FDX1: variants seen among roughly 807,000 people sequenced by gnomAD.
FDX1 encodes the protein adrenodoxin, mitochondrial.
A neutral mutation model predicts 14.9 loss-of-function variants in FDX1; 9 were observed. That is an observed-to-expected ratio of 0.60 (90% CI 0.36 to 1.05). The LOEUF is 1.05. Among genes scored for constraint, FDX1 ranks in the 50% least tolerant of loss-of-function variants. The pLI, the probability that FDX1 is intolerant of heterozygous loss-of-function variation, is 0.01. For synonymous variants in FDX1, 92 were observed against 99.4 expected (o/e 0.93, Z 0.44); for missense variants, 204 against 237.2 (o/e 0.86, Z 0.92).
intron 3 of FDX1, among the ~76,000 whole-genome samples, chr11:110,460,965 G>A (rs535115816): frequency 6.6e-6 from 1 of 152,216 alleles, no homozygotes; most frequent in South Asian, 2.1e-4. Flanking sequence ...TGTGCCTTTA[G>A]GTGCTCAATA....
intron 1 of FDX1, 152 bp from the exon 2 acceptor site, chr11:110,435,682 T>TA: frequency 1.9e-6 from 1 of 537,868 alleles, no homozygotes; most frequent in Non-Finnish European, 3.1e-6. Context: ...ACCCCGTCAC[T>TA]ACAAAAAATA....
chr11:110,463,559 G>A lies in FDX1; in HGVS notation c.*1091G>A, dbSNP rs1046633014. Reference sequence around the variant, plus strand: ...TCAACTAACTTGGACTAATTGTGAGGAAGAGCAGAACAAATTAGTAGAAAG... The same window carrying A: ...TCAACTAACTTGGACTAATTGTGAGAAAGAGCAGAACAAATTAGTAGAAAG... On this transcript the variant is annotated 3_prime_UTR_variant, in exon 4 of 4. Coordinates refer to ENST00000260270, the MANE Select transcript of FDX1 (RefSeq NM_004109.5). 6.6e-6 allele frequency: 1 copy of A among 152,226 alleles called. No individual in the cohort carries two copies. The highest frequency in any genetic ancestry group is 1.5e-5 in the Non-Finnish European group (1 of 68,036). The allele number at this position is 152,226 out of a possible 1,614,324, so 9.4% of individuals were successfully genotyped here. A position where few individuals can be genotyped will look rare whatever the true frequency, so the allele number is the denominator to read the frequency against.
At chr11:110,447,702 C>A (rs1946460765) in intron 2 of FDX1, among the ~76,000 whole-genome samples, 2 of 152,134 alleles carry the variant, frequency 1.3e-5, no homozygotes, top group African/African-American at 4.8e-5. Context: ...CTCTCTCTCC[C>A]ATCCCCAAAA....
At chr11:110,453,910 T>G (rs185101718) in intron 2 of FDX1, among the ~76,000 whole-genome samples, 1 of 152,292 alleles carries the variant, frequency 6.6e-6, no homozygotes, top group East Asian at 1.9e-4. Flanking sequence ...GCTGGTTTCA[T>G]TCTGAGTCTT....
At position 110,444,734 on chromosome 11, in the gene FDX1, ATATATATATACACG is replaced by A. The variant is rs1229316944; in HGVS notation, c.310+8787_310+8800del. ...TATATATATATATACGTATATATAT[ATATATATATACACG>A]TATATATATATATATATATTTGCAG... is the stretch of plus-strand genomic sequence containing the variant. On this transcript the variant is annotated intron_variant, in intron 2 of 3. Coordinates refer to ENST00000260270, the MANE Select transcript of FDX1 (RefSeq NM_004109.5). Among the ~76,000 whole-genome samples the A allele has an allele frequency of 3.6e-3, 246 of 67,912 alleles. 9 individuals are homozygous for A. Among genetic ancestry groups the A allele is most frequent in the Admixed American group, 8.8e-3 (48 of 5,436 alleles). 44.6% of individuals were successfully genotyped at this position (67,912 alleles called of 152,430 possible). A position where few individuals can be genotyped will look rare whatever the true frequency, so the allele number is the denominator to read the frequency against.
chr11:110,443,598 G>A (rs531618875), intron 2 of FDX1, among the ~76,000 whole-genome samples: 2 of 151,776 alleles, frequency 1.3e-5, no homozygotes, highest in East Asian at 1.9e-4. Flanking sequence ...CTACCACCAC[G>A]CCCACCTAAT....
chr11:110,462,316 C>T (rs756525004), intron 3 of FDX1, 38 bp from the exon 4 acceptor site: 22 of 1,146,078 alleles, frequency 1.9e-5, no homozygotes, highest in East Asian at 7.3e-5. Context: ...AATATATATA[C>T]GTAATACTAA....
intron 2 of FDX1, among the ~76,000 whole-genome samples, chr11:110,454,569 T>C (rs1336085582): frequency 6.6e-6 from 1 of 152,218 alleles, no homozygotes; most frequent in African/African-American, 2.4e-5. Flanking sequence ...TCCATTTCTT[T>C]AACTTCTGGG....
intron 2 of FDX1, among the ~76,000 whole-genome samples, chr11:110,437,524 T>C (rs1033732275): frequency 2.0e-5 from 3 of 152,192 alleles, no homozygotes; most frequent in African/African-American, 7.2e-5. Flanking sequence ...ATGGTATATC[T>C]CATTGTGGTT....
At position 110,435,880 on chromosome 11, in the gene FDX1, A is replaced by G. The variant is rs1459493187; in HGVS notation, c.232A>G (p.Thr78Ala). Reference protein sequence around the residue: ...TVHFINRDGETLTTKGKVGDS... With the variant: ...TVHFINRDGEALTTKGKVGDS... Reference sequence around the variant, plus strand: ...CCACTTTATAAACCGTGATGGTGAAACATTAACAACCAAAGGAAAAGTTGG... The same window carrying G: ...CCACTTTATAAACCGTGATGGTGAAGCATTAACAACCAAAGGAAAAGTTGG... The change falls in exon 2 of 4, where the codon ACA becomes GCA. Residue 78 changes from threonine (T) to alanine (A), a missense_variant. Physicochemically the swap from Thr to Ala is moderately conservative, Grantham distance 58 (BLOSUM62 0). Transcript: ENST00000260270. 1 of 1,611,768 alleles carries G rather than the reference A, an allele frequency of 6.2e-7. No individual in the cohort carries two copies. The highest frequency in any genetic ancestry group is 1.1e-5 in the South Asian group (1 of 90,632).
Position 110,462,510 on chromosome 11 carries a change from T to G in FDX1, c.*42T>G, listed in dbSNP as rs746482045. The stretch of plus-strand genomic sequence containing the variant: ...ATATTTTCATGGAATTTTACCTATT[T>G]TTATAATTATTATTTCTTAAAGTGA... On this transcript the variant is annotated 3_prime_UTR_variant, in exon 4 of 4. Coordinates refer to ENST00000260270, the MANE Select transcript of FDX1 (RefSeq NM_004109.5). The G allele has an allele frequency of 8.6e-6, 9 of 1,049,342 alleles. No individual in the cohort carries two copies. The highest frequency in any genetic ancestry group is 1.6e-5 in the African/African-American group (1 of 62,746). 65.0% of individuals were successfully genotyped at this position (1,049,342 alleles called of 1,614,324 possible). A position where few individuals can be genotyped will look rare whatever the true frequency, so the allele number is the denominator to read the frequency against.
intron 2 of FDX1, among the ~76,000 whole-genome samples, chr11:110,451,730 A>C (rs1440837079): frequency 6.6e-6 from 1 of 152,268 alleles, no homozygotes; most frequent in Non-Finnish European, 1.5e-5. Flanking sequence ...ATGTACATAT[A>C]CACCATGGAA....
intron 3 of FDX1, 145 bp from the exon 4 acceptor site, chr11:110,462,209 G>C (rs1946560708): frequency 2.1e-6 from 1 of 474,226 alleles, no homozygotes. Context: ...GGTTATATCT[G>C]TTTTGACATA....
intron 2 of FDX1, among the ~76,000 whole-genome samples, chr11:110,456,509 CT>C (rs11463993): frequency 1.7e-3 from 141 of 83,810 alleles, no homozygotes; most frequent in African/African-American, 4.6e-3. Flanking sequence ...TTTATGTATT[CT>C]TTTTTTTTTT....
intron 2 of FDX1, among the ~76,000 whole-genome samples, chr11:110,453,332 G>C (rs150447613): frequency 2.0e-5 from 3 of 152,050 alleles, no homozygotes; most frequent in African/African-American, 7.2e-5. Context: ...GAGTAAGACT[G>C]TCTGAAAAAA....
rs761597870 is a variant in FDX1, at chr11:110,457,057, T to C, written c.440+10T>C. The C allele has an allele frequency of 2.5e-6, 4 of 1,606,480 alleles. No homozygotes were observed. The highest frequency in any genetic ancestry group is 3.4e-6 in the Non-Finnish European group (4 of 1,175,036). ...ATGGACTAACAGACAGGTAAGATTT[T>C]TGGACTGCTTCAATTGTAATAATAA... On this transcript the variant is annotated intron_variant, in intron 3 of 3. Coordinates refer to ENST00000260270, the MANE Select transcript of FDX1 (RefSeq NM_004109.5).
At chr11:110,460,832 T>C (rs944094053) in intron 3 of FDX1, among the ~76,000 whole-genome samples, 1 of 152,230 alleles carries the variant, frequency 6.6e-6, no homozygotes, top group South Asian at 2.1e-4. Flanking sequence ...GATTCTGCAC[T>C]GCTGGTCTCT....
intron 3 of FDX1, 102 bp downstream of exon 3, chr11:110,457,149 T>C: frequency 9.9e-7 from 1 of 1,008,836 alleles, no homozygotes; most frequent in Non-Finnish European, 1.4e-6. Flanking sequence ...AATAGTGTTC[T>C]ACCAGGTTAA....
intron 2 of FDX1, among the ~76,000 whole-genome samples, chr11:110,439,426 C>G (rs1418223015): frequency 6.6e-6 from 1 of 152,084 alleles, no homozygotes; most frequent in Non-Finnish European, 1.5e-5. Flanking sequence ...CCAGGCTAGT[C>G]TCGAACTCCT....
Sources: gnomAD v4.1 joint callset for allele counts (sites outside exome capture counted in the v4.1 genomes callset) on GRCh38, gnomAD v4.1.1 for gene constraint, MANE v1.5 for transcripts, NCBI Gene and HGNC (gene_info 2026-07-23, HGNC 2026-07-21) for gene names.